The following HTR7 variants were observed in gnomAD, a reference collection of about 807,000 sequenced individuals.
The protein encoded by HTR7 is 5-hydroxytryptamine receptor 7.
Under a neutral mutation model 34.0 loss-of-function variants are expected in HTR7, and 16 were observed. The ratio of observed to expected loss-of-function variants is 0.47; its 90% CI spans 0.32 to 0.71. The LOEUF is 0.71. Ranked by LOEUF, HTR7 falls within the 30% of genes least tolerant of loss-of-function variation. The pLI is 0.04. For synonymous variants in HTR7, 265 were observed against 260.2 expected, an observed-to-expected ratio of 1.02 and a Z score of -0.18; for missense variants, 504 against 625.5, an observed-to-expected ratio of 0.81 and a Z score of 2.07.
At chr10:90,811,845 G>T (rs951672160) in intron 1 of HTR7, among the ~76,000 whole-genome samples, 1 of 151,044 alleles carries the variant, frequency 6.6e-6, no homozygotes, top group Admixed American at 6.6e-5. Flanking sequence ...GGCCACCGTA[G>T]TCATTTCCTC....
intron 1 of HTR7, among the ~76,000 whole-genome samples, chr10:90,823,216 C>T (rs533911848): frequency 6.6e-6 from 1 of 152,322 alleles, no homozygotes; most frequent in South Asian, 2.1e-4. Context: ...AAGCTGCAGG[C>T]TCTCAACACC....
At position 90,802,996 on chromosome 10, in the gene HTR7, C is replaced by CTTTTTTTTTTTTTT. The variant is rs35715510; in HGVS notation, c.540-53416_540-53403dup. On this transcript the variant is annotated intron_variant, in intron 1 of 3. Transcript: ENST00000336152. ...AAATGAGTTGTACCCCATTTGTGGC[C>CTTTTTTTTTTTTTT]TTTTTTTTTTTTTTTTTTTTTTGCT... Among the ~76,000 whole-genome samples, 3 of 89,014 alleles carry CTTTTTTTTTTTTTT rather than the reference C, an allele frequency of 3.4e-5. 1 individual carries two copies. Among genetic ancestry groups the CTTTTTTTTTTTTTT allele is most frequent in the African/African-American group, 8.9e-5 (2 of 22,530 alleles). 58.4% of individuals were successfully genotyped at this position (89,014 alleles called of 152,430 possible). A position where few individuals can be genotyped will look rare whatever the true frequency, so the allele number is the denominator to read the frequency against.
intron 1 of HTR7, among the ~76,000 whole-genome samples, chr10:90,837,026 G>A (rs1383757802): frequency 3.9e-5 from 6 of 152,174 alleles, no homozygotes; most frequent in Non-Finnish European, 7.3e-5. Flanking sequence ...CCAGTCCTGT[G>A]AGAACCTTGG....
At chr10:90,766,193 G>A (rs573007925) in intron 1 of HTR7, among the ~76,000 whole-genome samples, 1 of 152,178 alleles carries the variant, frequency 6.6e-6, no homozygotes. Flanking sequence ...TATATACTTA[G>A]GTGTTCCAAT....
intron 3 of HTR7, 69 bp downstream of exon 3, chr10:90,743,524 A>T: frequency 8.1e-7 from 1 of 1,241,262 alleles, no homozygotes; most frequent in East Asian, 2.3e-5. Flanking sequence ...CTCTGCTCAC[A>T]TAGTTCATGT....
intron 1 of HTR7, among the ~76,000 whole-genome samples, chr10:90,771,183 C>G (rs571432755): frequency 5.1e-4 from 78 of 152,310 alleles, no homozygotes; most frequent in African/African-American, 1.6e-3. Flanking sequence ...CTGCTAGGAG[C>G]TGAACACTCA....
At chr10:90,828,618 A>G (rs1488792710) in intron 1 of HTR7, among the ~76,000 whole-genome samples, 1 of 152,142 alleles carries the variant, frequency 6.6e-6, no homozygotes, top group Non-Finnish European at 1.5e-5. Flanking sequence ...TCTTAGACAC[A>G]TACAACTTAC....
chr10:90,754,385 G>T (rs1399010581), intron 1 of HTR7, among the ~76,000 whole-genome samples: 1 of 151,056 alleles, frequency 6.6e-6, no homozygotes, highest in African/African-American at 2.4e-5. Context: ...TACCTTCAAG[G>T]GTGAGAAAGA....
intron 1 of HTR7, among the ~76,000 whole-genome samples, chr10:90,763,312 T>A (rs1844968752): frequency 6.6e-6 from 1 of 152,204 alleles, no homozygotes; most frequent in African/African-American, 2.4e-5. Flanking sequence ...ATTTCCTTCA[T>A]CAATGTCTTA....
intron 1 of HTR7, among the ~76,000 whole-genome samples, chr10:90,822,637 T>A (rs571339643): frequency 1.7e-4 from 26 of 152,296 alleles, no homozygotes; most frequent in African/African-American, 6.0e-4. Context: ...TTTGCATAAG[T>A]AAAGAAGAGC....
At chr10:90,824,974 G>A (rs1204852136) in intron 1 of HTR7, among the ~76,000 whole-genome samples, 1 of 152,162 alleles carries the variant, frequency 6.6e-6, no homozygotes, top group African/African-American at 2.4e-5. Flanking sequence ...AGAGCCCTAG[G>A]GCCTTGAGTG....
At chr10:90,834,559 T>G (rs900016455) in intron 1 of HTR7, among the ~76,000 whole-genome samples, 1 of 152,198 alleles carries the variant, frequency 6.6e-6, no homozygotes, top group Non-Finnish European at 1.5e-5. Flanking sequence ...GGGTTTTCTC[T>G]GTGTCTGTGG....
At chr10:90,752,493 C>T (rs1844753712) in intron 1 of HTR7, among the ~76,000 whole-genome samples, 1 of 151,870 alleles carries the variant, frequency 6.6e-6, no homozygotes, top group Non-Finnish European at 1.5e-5. Flanking sequence ...TCTATAAATA[C>T]CATATAACCC....
intron 1 of HTR7, among the ~76,000 whole-genome samples, chr10:90,804,452 A>C (rs1845672982): frequency 6.6e-6 from 1 of 152,178 alleles, no homozygotes; most frequent in Non-Finnish European, 1.5e-5. Context: ...CAACTGCTAG[A>C]ATGTGCCATG....
At chr10:90,766,702 G>A (rs2119740236) in intron 1 of HTR7, among the ~76,000 whole-genome samples, 1 of 152,204 alleles carries the variant, frequency 6.6e-6, no homozygotes, top group South Asian at 2.1e-4. Context: ...ATCTACTACA[G>A]GTCTTTCCTT....
intron 1 of HTR7, among the ~76,000 whole-genome samples, chr10:90,753,694 G>C (rs1421009687): frequency 6.6e-6 from 1 of 151,704 alleles, no homozygotes; most frequent in African/African-American, 2.4e-5. Context: ...AGAGGAAAAA[G>C]AATGCAATCT....
At chr10:90,780,370 T>C (rs1044001514) in intron 1 of HTR7, among the ~76,000 whole-genome samples, 5 of 152,174 alleles carry the variant, frequency 3.3e-5, no homozygotes, top group African/African-American at 1.2e-4. Context: ...ACCCCATCTC[T>C]ACTAAAAATG....
Position 90,807,535 on chromosome 10 carries a change from CA to C in HTR7, c.539+49597del, listed in dbSNP as rs543959406. On this transcript the variant is annotated intron_variant, in intron 1 of 3. Coordinates refer to ENST00000336152, the MANE Select transcript of HTR7 (RefSeq NM_019859.4). ...AAAACCTCCCCCACTGAGCACCTTG[CA>C]ACCCCTACGCCTGCTCGCCAGAGAA... Among the ~76,000 whole-genome samples the C allele has an allele frequency of 2.1e-3, 322 of 152,324 alleles. 1 individual carries two copies. Among genetic ancestry groups the C allele is most frequent in the Middle Eastern group, 0.01 (3 of 294 alleles).
chr10:90,844,725 TCAA>T (rs766053456), intron 1 of HTR7, among the ~76,000 whole-genome samples: 747 of 27,774 alleles, frequency 0.027, 19 homozygotes, highest in Admixed American at 0.043. Flanking sequence ...AGACTCCGTC[TCAA>T]AAAAAAAAAA....
Sources: allele counts gnomAD v4.1 joint callset (sites outside exome capture counted in the v4.1 genomes callset), GRCh38; gene constraint gnomAD v4.1.1; transcripts MANE v1.5; gene names NCBI Gene and HGNC (gene_info 2026-07-23, HGNC 2026-07-21).